Variants in PPP1R12A observed in about 807,000 individuals in gnomAD.
The protein encoded by PPP1R12A is myosin binding subunit.
PPP1R12A carries 19 observed loss-of-function variants against 139.6 expected under a neutral mutation model. The ratio of observed to expected loss-of-function variants is 0.14; its 90% CI spans 0.09 to 0.20. The LOEUF is 0.20. Among genes scored for constraint, PPP1R12A ranks in the 10% least tolerant of loss-of-function variants. The pLI, the probability that PPP1R12A is intolerant of heterozygous loss-of-function variation, is 1.00. For missense variants in PPP1R12A, 925 were observed against 1,211.5 expected, an observed-to-expected ratio of 0.76 and a Z score of 3.51; for synonymous variants, 427 against 420.6, an observed-to-expected ratio of 1.02 and a Z score of -0.19.
chr12:79,921,613 G>A lies in PPP1R12A; in HGVS notation c.237+13082C>T, dbSNP rs538761631. ...ACCACTTATTTACATTGTAATCATC[G>A]GCTCATGCTGCCACCTCAACTAGAT... On this transcript the variant is annotated intron_variant, in intron 1 of 24. Coordinates refer to ENST00000450142, the MANE Select transcript of PPP1R12A (RefSeq NM_002480.3). Among the ~76,000 whole-genome samples, 220 of 151,994 alleles carry A rather than the reference G, an allele frequency of 1.4e-3. 1 individual carries two copies. Among genetic ancestry groups the A allele is most frequent in the African/African-American group, 5.1e-3 (212 of 41,424 alleles).
At chr12:79,870,280 A>T (rs1423847889) in intron 2 of PPP1R12A, among the ~76,000 whole-genome samples, 1 of 151,804 alleles carries the variant, frequency 6.6e-6, no homozygotes, top group Admixed American at 6.6e-5. Context: ...TAACTGGCTA[A>T]TTTTTTTGTA....
chr12:79,786,509 C>G (rs1871147450), intron 21 of PPP1R12A, 31 bp from the exon 22 acceptor site: 1 of 1,337,472 alleles, frequency 7.5e-7, no homozygotes, highest in South Asian at 1.4e-5. Flanking sequence ...GAACAAATTA[C>G]TTTTCTGCTC....
chr12:79,931,402 T>C (rs1297354991), intron 1 of PPP1R12A, among the ~76,000 whole-genome samples: 1 of 151,970 alleles, frequency 6.6e-6, no homozygotes, highest in East Asian at 1.9e-4. Context: ...GCTTGGAGCT[T>C]TGCAGAAATG....
chr12:79,889,711 A>C (rs2137416661), intron 1 of PPP1R12A, among the ~76,000 whole-genome samples: 1 of 152,280 alleles, frequency 6.6e-6, no homozygotes, highest in Non-Finnish European at 1.5e-5. Flanking sequence ...GGTTGGGGTT[A>C]ATGTGTCTTG....
chr12:79,859,617 T>C (rs544725872), intron 2 of PPP1R12A, among the ~76,000 whole-genome samples: 1 of 152,234 alleles, frequency 6.6e-6, no homozygotes, highest in East Asian at 1.9e-4. Flanking sequence ...GCTGAAAATG[T>C]CACTGGGCCA....
In PPP1R12A at chr12:79,795,730, C is replaced by T. The variant is rs781545819; in HGVS notation, c.2491G>A (p.Gly831Arg). ...EGEKREEEKEGEDKSQPKSIR... is the reference protein window; with the variant it reads ...EGEKREEEKEREDKSQPKSIR... ...GATTTAGGTTGTGATTTATCTTCTC[C>T]TTCTTTCTCCTCTTCTCTTTTTTCT... Residue 831 changes from glycine (G) to arginine (R), a missense_variant, in exon 18 of 25, where the codon GGA becomes AGA. By Grantham distance (125) the Gly-to-Arg change is moderately radical. Coordinates refer to ENST00000450142, the MANE Select transcript of PPP1R12A (RefSeq NM_002480.3). 1 of 1,610,882 alleles carries T rather than the reference C, an allele frequency of 6.2e-7. No homozygotes were observed. The highest frequency in any genetic ancestry group is 1.3e-5 in the African/African-American group (1 of 74,744).
At chr12:79,823,248 C>A (rs542583876) in intron 5 of PPP1R12A, among the ~76,000 whole-genome samples, 1 of 151,770 alleles carries the variant, frequency 6.6e-6, no homozygotes, top group Non-Finnish European at 1.5e-5. Flanking sequence ...AGAATACAGT[C>A]TTCTTTGTAT....
In PPP1R12A at chr12:79,795,722, A is replaced by G; in HGVS notation, c.2499T>C (p.Asp833=). ...CTCTGATTGATTTAGGTTGTGATTT[A>G]TCTTCTCCTTCTTTCTCCTCTTCTC... ...EKREEEKEGE[D]KSQPKSIRER... Residue 833 remains aspartate, a synonymous_variant, in exon 18 of 25, where the codon GAT becomes GAC. Coordinates refer to ENST00000450142, the MANE Select transcript of PPP1R12A (RefSeq NM_002480.3). 6.2e-7 allele frequency: 1 copy of G among 1,611,256 alleles called. No individual in the cohort carries two copies. Among genetic ancestry groups the G allele is most frequent in the South Asian group, 1.1e-5 (1 of 91,026 alleles).
intron 1 of PPP1R12A, among the ~76,000 whole-genome samples, chr12:79,885,206 C>T (rs1883994122): frequency 6.6e-6 from 1 of 151,942 alleles, no homozygotes; most frequent in South Asian, 2.1e-4. Context: ...GTTGGGTGTT[C>T]TTGGGTAAAC....
At chr12:79,851,262 C>G (rs1385754715) in intron 2 of PPP1R12A, among the ~76,000 whole-genome samples, 1 of 152,152 alleles carries the variant, frequency 6.6e-6, no homozygotes, top group East Asian at 1.9e-4. Context: ...ATTAGCAAGT[C>G]TCTGAGCAAC....
intron 1 of PPP1R12A, among the ~76,000 whole-genome samples, chr12:79,899,231 AAAATATATATATATATATATATATATAT>A (rs1220575272): frequency 2.9e-4 from 36 of 122,706 alleles, no homozygotes; most frequent in South Asian, 1.1e-3. Flanking sequence ...AGAGATCTTA[AAAATATATATATATATATATATATATAT>A]ATATATATAT....
Position 79,814,380 on chromosome 12 carries a change from G to A in PPP1R12A, c.1239+3014C>T, listed in dbSNP as rs939192639. Among the ~76,000 whole-genome samples, 169 of 150,910 alleles carry A rather than the reference G, an allele frequency of 1.1e-3. 1 individual carries two copies. Among genetic ancestry groups the A allele is most frequent in the Non-Finnish European group, 1.2e-3 (81 of 67,860 alleles). On this transcript the variant is annotated intron_variant, in intron 9 of 24. Coordinates refer to ENST00000450142, the MANE Select transcript of PPP1R12A (RefSeq NM_002480.3). ...TAGTCCCGGCTACTTGGGAGGCTGA[G>A]GCAGGAGAATGGCGTGAACTTGGGA...
chr12:79,813,716 AATC>A (rs1565754516), intron 9 of PPP1R12A, among the ~76,000 whole-genome samples: 1 of 152,210 alleles, frequency 6.6e-6, no homozygotes, highest in Non-Finnish European at 1.5e-5. Context: ...CATCTCCACA[AATC>A]ATCAGCTTGA....
At chr12:79,787,846 T>G (rs761478581) in intron 21 of PPP1R12A, 2 of 152,238 alleles carry the variant, frequency 1.3e-5, no homozygotes, top group African/African-American at 4.8e-5. Flanking sequence ...TTATATACTT[T>G]TATAAAATTG....
intron 5 of PPP1R12A, among the ~76,000 whole-genome samples, chr12:79,823,592 CTTTTTTTT>C (rs11310475): frequency 7.1e-6 from 1 of 141,744 alleles, no homozygotes; most frequent in East Asian, 2.1e-4. Flanking sequence ...TGAAAGGTAT[CTTTTTTTT>C]TTTTTTTTTT....
intron 2 of PPP1R12A, among the ~76,000 whole-genome samples, chr12:79,847,050 T>C (rs548366745): frequency 2.8e-4 from 43 of 152,250 alleles, no homozygotes; most frequent in Non-Finnish European, 4.9e-4. Flanking sequence ...AAAGTACACG[T>C]CCACAGAGGG....
chr12:79,890,678 T>G (rs1884499497), intron 1 of PPP1R12A, among the ~76,000 whole-genome samples: 1 of 152,136 alleles, frequency 6.6e-6, no homozygotes, highest in Non-Finnish European at 1.5e-5. Context: ...CAATCAACAT[T>G]AATTGAACAA....
At chr12:79,781,573 GT>G (rs1020904656) in intron 23 of PPP1R12A, among the ~76,000 whole-genome samples, 1 of 151,860 alleles carries the variant, frequency 6.6e-6, no homozygotes, top group Non-Finnish European at 1.5e-5. Flanking sequence ...AGGCAAGACA[GT>G]TTTTTTAAAT....
chr12:79,800,248 C>A (rs1872952398), intron 14 of PPP1R12A, among the ~76,000 whole-genome samples: 1 of 152,130 alleles, frequency 6.6e-6, no homozygotes, highest in Non-Finnish European at 1.5e-5. Context: ...ACCAAGTGTG[C>A]CTGCCTCTTC....
Sources: allele counts gnomAD v4.1 joint callset (sites outside exome capture counted in the v4.1 genomes callset), GRCh38; gene constraint gnomAD v4.1.1; transcripts MANE v1.5; gene names NCBI Gene and HGNC (gene_info 2026-07-23, HGNC 2026-07-21).